CAMTA1: variants seen among roughly 807,000 people sequenced by gnomAD.
CAMTA1 encodes the protein calmodulin binding transcription activator 1, also known as calmodulin-binding transcription activator 1.
CAMTA1 carries 27 observed loss-of-function variants against 170.9 expected under a neutral mutation model. The ratio of observed to expected loss-of-function variants is 0.16; its 90% CI spans 0.12 to 0.22. The LOEUF is 0.22. Ranked by LOEUF, CAMTA1 falls within the 10% of genes least tolerant of loss-of-function variation. The pLI is 1.00. For missense variants in CAMTA1, 1,619 were observed against 2,217.2 expected (o/e 0.73, Z 5.42); for synonymous variants, 833 against 891.5 (o/e 0.93, Z 1.17).
intron 6 of CAMTA1, among the ~76,000 whole-genome samples, chr1:7,567,494 T>C (rs2095057515): frequency 6.6e-6 from 1 of 152,128 alleles, no homozygotes; most frequent in African/African-American, 2.4e-5. Context: ...TCAACACAGG[T>C]GGTGGCCGAT....
intron 7 of CAMTA1, among the ~76,000 whole-genome samples, chr1:7,651,522 A>G (rs2149036746): frequency 6.6e-6 from 1 of 152,356 alleles, no homozygotes; most frequent in Non-Finnish European, 1.5e-5. Context: ...GCTGAGGCAG[A>G]CTTCTGGAGT....
intron 3 of CAMTA1, among the ~76,000 whole-genome samples, chr1:6,826,680 T>C (rs1163846711): frequency 6.6e-6 from 1 of 152,262 alleles, no homozygotes; most frequent in Non-Finnish European, 1.5e-5. Context: ...TTCCATATTA[T>C]ATTTCCTGTG....
intron 5 of CAMTA1, among the ~76,000 whole-genome samples, chr1:7,372,574 C>A (rs138293945): frequency 3.3e-5 from 5 of 152,302 alleles, no homozygotes; most frequent in Non-Finnish European, 5.9e-5. Context: ...GTAGCCTTGC[C>A]CGTGAACACG....
chr1:6,841,329 A>T (rs1290631058), intron 3 of CAMTA1, among the ~76,000 whole-genome samples: 1 of 152,158 alleles, frequency 6.6e-6, no homozygotes, highest in African/African-American at 2.4e-5. Context: ...ATTTATTTAC[A>T]GGTTCTGGGG....
chr1:7,757,867 C>T (rs550793976), intron 22 of CAMTA1, among the ~76,000 whole-genome samples: 212 of 152,224 alleles, frequency 1.4e-3, no homozygotes, highest in Non-Finnish European at 2.6e-3. Flanking sequence ...TATACTCTTA[C>T]GTAAACTTAA....
chr1:7,604,315 C>T (rs1214550378), intron 6 of CAMTA1, among the ~76,000 whole-genome samples: 1 of 152,254 alleles, frequency 6.6e-6, no homozygotes, highest in Non-Finnish European at 1.5e-5. Flanking sequence ...CTTTCAGGTA[C>T]ACAAATCAGA....
At chr1:7,009,742 T>C (rs1699525143) in intron 3 of CAMTA1, among the ~76,000 whole-genome samples, 1 of 152,122 alleles carries the variant, frequency 6.6e-6, no homozygotes, top group Non-Finnish European at 1.5e-5. Flanking sequence ...TGCTGATGAG[T>C]TGGTCCGTGC....
At chr1:7,583,484 GGT>G (rs2095279780) in intron 6 of CAMTA1, among the ~76,000 whole-genome samples, 2 of 152,156 alleles carry the variant, frequency 1.3e-5, no homozygotes, top group Non-Finnish European at 2.9e-5. Flanking sequence ...GCTGTCCTCT[GGT>G]GGACCGGGCT....
At chr1:7,227,122 C>T (rs1406699933) in intron 4 of CAMTA1, among the ~76,000 whole-genome samples, 2 of 151,862 alleles carry the variant, frequency 1.3e-5, no homozygotes, top group Non-Finnish European at 2.9e-5. Flanking sequence ...CGTGAGCCAC[C>T]ACGCCCGGCC....
At chr1:7,394,811 TTGTGTGTG>T (rs61154098) in intron 5 of CAMTA1, among the ~76,000 whole-genome samples, 89,511 of 147,398 alleles carry the variant, frequency 0.61, 28,713 homozygotes, top group Non-Finnish European at 0.72. Flanking sequence ...TTTCTTGTAG[TTGTGTGTG>T]TGTGTGTGTG....
At chr1:6,968,608 G>C (rs984891265) in intron 3 of CAMTA1, among the ~76,000 whole-genome samples, 3 of 152,170 alleles carry the variant, frequency 2.0e-5, no homozygotes, top group African/African-American at 4.8e-5. Flanking sequence ...TGTGATCGAT[G>C]TGTGTCTCGG....
chr1:7,452,991 T>C (rs967146650), intron 5 of CAMTA1, among the ~76,000 whole-genome samples: 9 of 148,290 alleles, frequency 6.1e-5, no homozygotes, highest in Non-Finnish European at 1.1e-4. Flanking sequence ...GTTGACTAAC[T>C]AGACTCCAAG....
Position 7,426,258 on chromosome 1 carries a change from C to T in CAMTA1, c.439-41572C>T, listed in dbSNP as rs1390234253. Among the ~76,000 whole-genome samples the T allele has an allele frequency of 2.6e-5, 4 of 151,852 alleles. No homozygotes were observed. The highest frequency in any genetic ancestry group is 1.9e-4 in the East Asian group (1 of 5,174). On this transcript the variant is annotated intron_variant, in intron 5 of 22. Coordinates refer to ENST00000303635, the MANE Select transcript of CAMTA1 (RefSeq NM_015215.4). This position sits in a 1 kb window ranked among gnomAD's most constrained non-coding sequence, Gnocchi z 4.8. Reference sequence around the variant, plus strand: ...CCAGGGCCAGAGAGAGCTGCACGGTCCGAAGCTCAGAGCATCCTCACTAGC... The same window carrying T: ...CCAGGGCCAGAGAGAGCTGCACGGTTCGAAGCTCAGAGCATCCTCACTAGC...
chr1:6,816,530 T>A (rs1284095217), intron 1 of CAMTA1, among the ~76,000 whole-genome samples: 1 of 152,178 alleles, frequency 6.6e-6, no homozygotes, highest in Non-Finnish European at 1.5e-5. Context: ...GGCGAGAGGC[T>A]TCCTGAAGGG....
At chr1:6,916,085 C>T (rs1488554217) in intron 3 of CAMTA1, among the ~76,000 whole-genome samples, 1 of 152,086 alleles carries the variant, frequency 6.6e-6, no homozygotes, top group Non-Finnish European at 1.5e-5. Flanking sequence ...TCAGAGGCGA[C>T]CAGGCTGCCA....
chr1:7,740,013 GAC>G, intron 16 of CAMTA1, among the ~76,000 whole-genome samples: 1 of 151,454 alleles, frequency 6.6e-6, no homozygotes, highest in South Asian at 2.1e-4. Context: ...TTTGGGTGGG[GAC>G]ACAGTCAAAC....
intron 5 of CAMTA1, among the ~76,000 whole-genome samples, chr1:7,268,039 A>G (rs997159777): frequency 2.0e-5 from 3 of 152,218 alleles, no homozygotes; most frequent in Non-Finnish European, 4.4e-5. Context: ...GGAAACAACT[A>G]TTGTTGGATA....
chr1:7,520,219 C>CCCTT (rs2094343838), intron 6 of CAMTA1, among the ~76,000 whole-genome samples: 2 of 84 alleles, frequency 0.024, no homozygotes, highest in Non-Finnish European at 0.059. Context: ...TCCTCCTCCT[C>CCCTT]CTCCTCCTCC....
chr1:7,160,565 C>G (rs894028890), intron 4 of CAMTA1, among the ~76,000 whole-genome samples: 1 of 152,170 alleles, frequency 6.6e-6, no homozygotes, highest in Non-Finnish European at 1.5e-5. Flanking sequence ...TCTCTCTTCT[C>G]TTTGTGACCT....
Sources: allele counts gnomAD v4.1 joint callset (sites outside exome capture counted in the v4.1 genomes callset), GRCh38; gene constraint gnomAD v4.1.1; non-coding constraint Gnocchi (gnomAD v3.1); transcripts MANE v1.5; gene names NCBI Gene and HGNC (gene_info 2026-07-23, HGNC 2026-07-21).